Variants in NUP54 observed in about 807,000 individuals in gnomAD.
The protein encoded by NUP54 is nucleoporin p54.
NUP54 carries 27 observed loss-of-function variants against 66.4 expected under a neutral mutation model. The ratio of observed to expected loss-of-function variants is 0.41; its 90% CI spans 0.30 to 0.56. The LOEUF is 0.56. NUP54 is among the 20% of genes least tolerant of loss of function. The probability of loss-of-function intolerance (pLI) is 0.34; values close to 1 mark genes in which losing one functional copy is unlikely to be tolerated. For missense variants in NUP54, 486 were observed against 596.3 expected, an observed-to-expected ratio of 0.82 and a Z score of 1.93; for synonymous variants, 206 against 210.7, an observed-to-expected ratio of 0.98 and a Z score of 0.19.
At chr4:76,146,884 CTT>C (rs1379787135) in intron 1 of NUP54, among the ~76,000 whole-genome samples, 4 of 152,328 alleles carry the variant, frequency 2.6e-5, no homozygotes, top group East Asian at 3.9e-4. Flanking sequence ...AAACTGCTCT[CTT>C]TGAGCATTTC....
At chr4:76,128,853 T>TTC (rs1440958473) in intron 8 of NUP54, among the ~76,000 whole-genome samples, 1 of 152,200 alleles carries the variant, frequency 6.6e-6, no homozygotes, top group Non-Finnish European at 1.5e-5. Context: ...ATTCTGCATG[T>TTC]TCTCACTCAT....
At chr4:76,119,244 C>T (rs978993644) in intron 9 of NUP54, among the ~76,000 whole-genome samples, 2 of 152,032 alleles carry the variant, frequency 1.3e-5, no homozygotes, top group African/African-American at 4.8e-5. Flanking sequence ...TCTCATACCC[C>T]CAAGACAAAT....
chr4:76,143,885 T>C (rs1731371798), intron 3 of NUP54, among the ~76,000 whole-genome samples: 1 of 152,174 alleles, frequency 6.6e-6, no homozygotes, highest in South Asian at 2.1e-4. Flanking sequence ...AGCTGTACTT[T>C]TGTGCAGTTT....
intron 11 of NUP54, 79 bp from the exon 12 acceptor site, chr4:76,115,573 C>CT: frequency 8.6e-7 from 1 of 1,169,566 alleles, no homozygotes; most frequent in Admixed American, 3.0e-5. Flanking sequence ...AAAGACTCCA[C>CT]TTTGACTATT....
intron 8 of NUP54, among the ~76,000 whole-genome samples, chr4:76,127,204 G>A (rs35672178): frequency 0.13 from 19,521 of 152,062 alleles, 1,504 homozygotes; most frequent in East Asian, 0.35. Flanking sequence ...AGGCCAAGAC[G>A]GGTGGATCAC....
intron 4 of NUP54, among the ~76,000 whole-genome samples, chr4:76,135,613 T>C (rs1483289045): frequency 6.6e-6 from 1 of 152,192 alleles, no homozygotes; most frequent in Non-Finnish European, 1.5e-5. Context: ...CGTAGGCCAA[T>C]ATAACTCCTA....
intron 3 of NUP54, among the ~76,000 whole-genome samples, chr4:76,141,446 T>C (rs898254123): frequency 3.3e-5 from 5 of 152,192 alleles, no homozygotes; most frequent in Admixed American, 2.6e-4. Flanking sequence ...CCCACAAACA[T>C]CTGCTCTTGC....
intron 3 of NUP54, among the ~76,000 whole-genome samples, chr4:76,141,873 G>C (rs1380498893): frequency 6.7e-6 from 1 of 149,620 alleles, no homozygotes; most frequent in African/African-American, 2.4e-5. Context: ...CTGACCCTGA[G>C]GTCATTTATG....
At chr4:76,126,614 A>C (rs1730548856) in intron 8 of NUP54, among the ~76,000 whole-genome samples, 1 of 152,222 alleles carries the variant, frequency 6.6e-6, no homozygotes, top group Non-Finnish European at 1.5e-5. Flanking sequence ...CAGCCACAGT[A>C]TTTATTAACA....
chr4:76,140,386 A>G (rs1305454200), intron 3 of NUP54, among the ~76,000 whole-genome samples: 1 of 151,268 alleles, frequency 6.6e-6, no homozygotes, highest in East Asian at 1.9e-4. Flanking sequence ...ATGGGGTTCA[A>G]GCAATTCTCA....
At chr4:76,132,432 C>A in intron 6 of NUP54, 91 bp downstream of exon 6, 1 of 884,112 alleles carries the variant, frequency 1.1e-6, no homozygotes. Flanking sequence ...ATTTTATTAG[C>A]ATTAATAACC....
At chr4:76,141,039 A>C (rs770179031) in intron 3 of NUP54, among the ~76,000 whole-genome samples, 69 of 152,210 alleles carry the variant, frequency 4.5e-4, no homozygotes, top group Non-Finnish European at 9.4e-4. Flanking sequence ...TGGCTTGGAA[A>C]GGACTTCTGG....
In NUP54 at chr4:76,148,379, C is replaced by T; in HGVS notation, c.-5G>A. 6.5e-7 allele frequency: 1 copy of T among 1,533,086 alleles called. No individual in the cohort carries two copies. Among genetic ancestry groups the T allele is most frequent in the Non-Finnish European group, 8.8e-7 (1 of 1,140,406 alleles). The allele number at this position is 1,533,086 out of a possible 1,614,324, so 95.0% of individuals were successfully genotyped here. ...AGCCCCAAAATTGAAGGCCATGTCG[C>T]GAAAGCAGGAGACCAAGTAGGTTAC... On this transcript the variant is annotated 5_prime_UTR_variant, in exon 1 of 12. Transcript: ENST00000264883.
intron 5 of NUP54, among the ~76,000 whole-genome samples, chr4:76,133,392 G>A (rs1299116720): frequency 6.6e-6 from 1 of 151,244 alleles, no homozygotes; most frequent in Non-Finnish European, 1.5e-5. Context: ...TGCAAGCTCC[G>A]CCTCCTGGGT....
chr4:76,140,239 G>A (rs1010246699), intron 3 of NUP54, among the ~76,000 whole-genome samples: 2 of 151,732 alleles, frequency 1.3e-5, no homozygotes, highest in African/African-American at 2.4e-5. Context: ...AGATTTGGTG[G>A]AGGGAAGTTG....
intron 4 of NUP54, among the ~76,000 whole-genome samples, chr4:76,135,563 C>T (rs531388052): frequency 6.6e-6 from 1 of 152,348 alleles, no homozygotes; most frequent in African/African-American, 2.4e-5. Flanking sequence ...CAGCTCCAAA[C>T]ACAGGGTTAT....
chr4:76,131,625 T>C (rs1730805997), intron 6 of NUP54, among the ~76,000 whole-genome samples: 1 of 152,010 alleles, frequency 6.6e-6, no homozygotes, highest in African/African-American at 2.4e-5. Context: ...AATAAACATA[T>C]TAAAAATAAG....
In NUP54 at chr4:76,145,320, A is replaced by G. The variant is rs1731447996; in HGVS notation, c.68-847T>C. On this transcript the variant is annotated intron_variant, in intron 1 of 11. Coordinates refer to ENST00000264883, the MANE Select transcript of NUP54 (RefSeq NM_017426.4). ...GCGACAGGGTGAGACTCCGTCTCAA[A>G]AAAAAAAAAAAAAAAAAAATTTATT... Among the ~76,000 whole-genome samples the G allele has an allele frequency of 4.5e-5, 3 of 66,174 alleles. No individual in the cohort carries two copies. The Admixed American group carries it at 4.7e-4, about 10-fold the overall frequency. 43.4% of individuals were successfully genotyped at this position (66,174 alleles called of 152,430 possible). A position where few individuals can be genotyped will look rare whatever the true frequency, so the allele number is the denominator to read the frequency against.
At chr4:76,138,230 A>G (rs887201434) in intron 3 of NUP54, among the ~76,000 whole-genome samples, 1 of 152,218 alleles carries the variant, frequency 6.6e-6, no homozygotes, top group Non-Finnish European at 1.5e-5. Flanking sequence ...TCTATCCTTG[A>G]GCAAGAAATT....
Sources: gnomAD v4.1 joint callset for allele counts (sites outside exome capture counted in the v4.1 genomes callset) on GRCh38, gnomAD v4.1.1 for gene constraint, MANE v1.5 for transcripts, NCBI Gene and HGNC (gene_info 2026-07-23, HGNC 2026-07-21) for gene names.